The following OXCT1 variants were observed in gnomAD, a reference collection of about 807,000 sequenced individuals.
OXCT1 encodes the protein succinyl-CoA:3-ketoacid coenzyme A transferase 1, mitochondrial.
OXCT1 carries 27 observed loss-of-function variants against 69.6 expected under a neutral mutation model. That is an observed-to-expected ratio of 0.39 (90% CI 0.29 to 0.54). The LOEUF is 0.54. Ranked by LOEUF, OXCT1 falls within the 20% of genes least tolerant of loss-of-function variation. The probability of loss-of-function intolerance (pLI) is 0.72; values close to 1 mark genes in which losing one functional copy is unlikely to be tolerated. For synonymous variants in OXCT1, 202 were observed against 217.8 expected, an observed-to-expected ratio of 0.93 and a Z score of 0.64; for missense variants, 437 against 650.2, an observed-to-expected ratio of 0.67 and a Z score of 3.57.
intron 13 of OXCT1, among the ~76,000 whole-genome samples, chr5:41,784,780 T>C (rs1336596995): frequency 6.6e-6 from 1 of 152,266 alleles, no homozygotes; most frequent in Non-Finnish European, 1.5e-5. Context: ...ATGTGCTTAA[T>C]AATTGTTAGT....
chr5:41,812,666 T>C (rs1229264420), intron 7 of OXCT1, among the ~76,000 whole-genome samples: 1 of 151,968 alleles, frequency 6.6e-6, no homozygotes, highest in African/African-American at 2.4e-5. Context: ...TGATAATCAC[T>C]ACTGCTTGGG....
chr5:41,829,451 G>A (rs1747986690), intron 7 of OXCT1, among the ~76,000 whole-genome samples: 1 of 152,048 alleles, frequency 6.6e-6, no homozygotes, highest in Non-Finnish European at 1.5e-5. Flanking sequence ...CCAAAATTTT[G>A]TGAGGATAAT....
At position 41,762,158 on chromosome 5, in the gene OXCT1, A is replaced by T; in HGVS notation, c.1291T>A (p.Ser431Thr). ...ACCACCACTTTGGTTTTCGCACTGG[A>T]CACTAAATCCATAGCACCTCCCATT... Reference protein sequence around the residue: ...KGMGGAMDLVSSAKTKVVVTM... With the variant: ...KGMGGAMDLVTSAKTKVVVTM... The change falls in exon 14 of 17, where the codon TCC (serine) becomes ACC (threonine). Residue 431 changes from serine (S) to threonine (T), a missense_variant. Ser to Thr is a moderately conservative substitution (Grantham distance 58). Coordinates refer to ENST00000196371, the MANE Select transcript of OXCT1 (RefSeq NM_000436.4). This position sits in a 1 kb window ranked among gnomAD's most constrained non-coding sequence, Gnocchi z 4.0. 2 of 1,613,406 alleles carry T rather than the reference A, an allele frequency of 1.2e-6. No individual in the cohort carries two copies. Among genetic ancestry groups the T allele is most frequent in the East Asian group, 4.5e-5 (2 of 44,852 alleles).
chr5:41,787,239 T>C (rs905006091), intron 13 of OXCT1, among the ~76,000 whole-genome samples: 1 of 152,062 alleles, frequency 6.6e-6, no homozygotes, highest in Non-Finnish European at 1.5e-5. Context: ...ATGACATAAA[T>C]TCAAACATGT....
chr5:41,858,098 A>G (rs142864180), intron 3 of OXCT1, among the ~76,000 whole-genome samples: 1 of 152,234 alleles, frequency 6.6e-6, no homozygotes, highest in African/African-American at 2.4e-5. Context: ...CATTGTTTAT[A>G]TGGGCTTTGC....
intron 3 of OXCT1, among the ~76,000 whole-genome samples, chr5:41,856,947 C>T (rs1462547563): frequency 2.6e-5 from 4 of 152,096 alleles, no homozygotes; most frequent in Non-Finnish European, 5.9e-5. Flanking sequence ...CTGGCTAGGT[C>T]CCCACAATTC....
intron 7 of OXCT1, among the ~76,000 whole-genome samples, chr5:41,808,309 C>G (rs1420330071): frequency 6.6e-6 from 1 of 151,936 alleles, no homozygotes; most frequent in Non-Finnish European, 1.5e-5. Flanking sequence ...ATACAGTGTC[C>G]AAAACAAACG....
chr5:41,861,254 G>T, intron 3 of OXCT1, 60 bp downstream of exon 3: 1 of 1,055,420 alleles, frequency 9.5e-7, no homozygotes, highest in Non-Finnish European at 1.5e-6. Flanking sequence ...GATAAACTCT[G>T]TTTAAATATT....
In OXCT1 at chr5:41,870,056, C is replaced by T; in HGVS notation, c.78+225G>A. On this transcript the variant is annotated intron_variant, in intron 1 of 16. Transcript: ENST00000196371. The surrounding 1 kb of genome is among the most constrained non-coding windows in gnomAD (Gnocchi z 4.2). ...CTCCGCGCGCTTCTTTATCGCGTCTCGCTCCATCAGGGAAGCGACTGCAGA... is the reference window on the plus strand; with the variant it reads ...CTCCGCGCGCTTCTTTATCGCGTCTTGCTCCATCAGGGAAGCGACTGCAGA... The T allele has an allele frequency of 1.7e-6, 1 of 576,652 alleles. No homozygotes were observed. The highest frequency in any genetic ancestry group is 3.1e-6 in the Non-Finnish European group (1 of 319,356). The allele number at this position is 576,652 out of a possible 1,614,324, so 35.7% of individuals were successfully genotyped here.
At chr5:41,834,825 T>G (rs970869106) in intron 7 of OXCT1, among the ~76,000 whole-genome samples, 1 of 151,966 alleles carries the variant, frequency 6.6e-6, no homozygotes, top group African/African-American at 2.4e-5. Context: ...CTAATAGAGA[T>G]CTACAGAACA....
At chr5:41,789,400 C>G (rs1307709315) in intron 13 of OXCT1, among the ~76,000 whole-genome samples, 2 of 152,174 alleles carry the variant, frequency 1.3e-5, no homozygotes, top group Non-Finnish European at 2.9e-5. Context: ...ACTACTGCAT[C>G]CCCAAAAACG....
chr5:41,731,336 A>G lies in OXCT1; in HGVS notation c.*393T>C, dbSNP rs1347253946. 2.0e-6 allele frequency: 2 copies of G among 1,017,726 alleles called. No homozygotes were observed. Among genetic ancestry groups the G allele is most frequent in the East Asian group, 9.0e-5 (1 of 11,060 alleles). 63.0% of individuals were successfully genotyped at this position (1,017,726 alleles called of 1,614,324 possible). On this transcript the variant is annotated 3_prime_UTR_variant, in exon 17 of 17. Transcript: ENST00000196371. ...AATCATGACAGCAACTCTCCTAACCACAAAAATCACATATGTTATCTTTCT... is the reference window on the plus strand; with the variant it reads ...AATCATGACAGCAACTCTCCTAACCGCAAAAATCACATATGTTATCTTTCT...
intron 7 of OXCT1, among the ~76,000 whole-genome samples, chr5:41,824,793 G>C (rs1208647603): frequency 6.6e-6 from 1 of 152,162 alleles, no homozygotes; most frequent in East Asian, 1.9e-4. Flanking sequence ...CTCAGAGAAA[G>C]TTAAATTACA....
intron 7 of OXCT1, among the ~76,000 whole-genome samples, chr5:41,835,247 A>G (rs888753776): frequency 2.6e-5 from 4 of 152,230 alleles, no homozygotes; most frequent in Non-Finnish European, 4.4e-5. Context: ...ATTCCTAGAC[A>G]TATATAACCT....
At chr5:41,735,501 G>A (rs1296363463) in intron 16 of OXCT1, among the ~76,000 whole-genome samples, 1 of 152,210 alleles carries the variant, frequency 6.6e-6, no homozygotes, top group Non-Finnish European at 1.5e-5. Flanking sequence ...CTAGAGATCT[G>A]TTGTATAACA....
chr5:41,860,063 C>T (rs905857149), intron 3 of OXCT1, among the ~76,000 whole-genome samples: 2 of 151,568 alleles, frequency 1.3e-5, no homozygotes, highest in Admixed American at 6.6e-5. Flanking sequence ...ACTGAAAGTG[C>T]TGATAATCAA....
chr5:41,858,578 G>C (rs1749563415), intron 3 of OXCT1, among the ~76,000 whole-genome samples: 1 of 152,104 alleles, frequency 6.6e-6, no homozygotes, highest in South Asian at 2.1e-4. Context: ...ACTAGAAAAA[G>C]TCTAAGGCCA....
chr5:41,765,676 TGCTGTCCTAG>T (rs1042680171), intron 13 of OXCT1, among the ~76,000 whole-genome samples: 3 of 152,162 alleles, frequency 2.0e-5, no homozygotes, highest in African/African-American at 7.2e-5. Flanking sequence ...CTATGTCAGA[TGCTGTCCTAG>T]GCAGAGTAAT....
At chr5:41,864,465 T>C (rs1437105136) in intron 1 of OXCT1, among the ~76,000 whole-genome samples, 3 of 152,170 alleles carry the variant, frequency 2.0e-5, no homozygotes, top group Non-Finnish European at 4.4e-5. Context: ...GAGTTTTCCC[T>C]CTTTTCTATT....
Sources: gnomAD v4.1 joint callset for allele counts (sites outside exome capture counted in the v4.1 genomes callset) on GRCh38, gnomAD v4.1.1 for gene constraint, Gnocchi (gnomAD v3.1) non-coding constraint, MANE v1.5 for transcripts, NCBI Gene and HGNC (gene_info 2026-07-23, HGNC 2026-07-21) for gene names.